RUFY2: variants seen among roughly 807,000 people sequenced by gnomAD.
RUFY2 encodes the protein RUN and FYVE domain containing 2, also known as RUN and FYVE domain-containing protein 2.
RUFY2 carries 49 observed loss-of-function variants against 94.4 expected under a neutral mutation model. That is an observed-to-expected ratio of 0.52 (90% CI 0.41 to 0.66). The LOEUF (loss-of-function observed/expected upper bound fraction) is 0.66, where lower values mean the gene tolerates loss of function less well. Among genes scored for constraint, RUFY2 ranks in the 30% least tolerant of loss-of-function variants. The probability of loss-of-function intolerance (pLI) is 0.00; values close to 1 mark genes in which losing one functional copy is unlikely to be tolerated. For missense variants in RUFY2, 541 were observed against 692.8 expected, an observed-to-expected ratio of 0.78 and a Z score of 2.46; for synonymous variants, 255 against 235.7, an observed-to-expected ratio of 1.08 and a Z score of -0.75.
downstream of RUFY2, chr10:68,342,080 T>A (rs201718155): frequency 4.5e-6 from 7 of 1,555,710 alleles, no homozygotes; most frequent in East Asian, 1.6e-4. Flanking sequence ...CATACAAGTC[T>A]TGACAACAGC....
intron 15 of RUFY2, among the ~76,000 whole-genome samples, chr10:68,357,706 C>T (rs1047052180): frequency 2.6e-5 from 4 of 152,240 alleles, no homozygotes; most frequent in African/African-American, 9.6e-5. Flanking sequence ...CCATAACCAG[C>T]TATTTTCACA....
intron 4 of RUFY2, among the ~76,000 whole-genome samples, chr10:68,394,657 T>G (rs941622229): frequency 6.6e-6 from 1 of 151,636 alleles, no homozygotes; most frequent in African/African-American, 2.4e-5. Flanking sequence ...TGAGACGAAG[T>G]CTTGCTCTTT....
chr10:68,398,523 G>T (rs747338836), intron 3 of RUFY2, among the ~76,000 whole-genome samples: 1 of 152,070 alleles, frequency 6.6e-6, no homozygotes, highest in Non-Finnish European at 1.5e-5. Context: ...ACAGTGGCAT[G>T]AGCCCGTAAT....
Position 68,344,867 on chromosome 10 carries a change from T to C in RUFY2, c.*901A>G, listed in dbSNP as rs750463173. The C allele has an allele frequency of 2.6e-5, 4 of 152,366 alleles. No homozygotes were observed. The highest frequency in any genetic ancestry group is 2.1e-4 in the South Asian group (1 of 4,830). 9.4% of individuals were successfully genotyped at this position (152,366 alleles called of 1,614,324 possible). On this transcript the variant is annotated 3_prime_UTR_variant, in exon 18 of 18. Transcript: ENST00000602465. ...CAAAATTTTTTGAACTGAACTCTAA[T>C]ACATTACCAAAGCAAAGTCCTGATT... is the stretch of plus-strand genomic sequence containing the variant.
intron 13 of RUFY2, among the ~76,000 whole-genome samples, chr10:68,374,114 C>CAA (rs34041522): frequency 0.13 from 7,518 of 58,776 alleles, 323 homozygotes; most frequent in African/African-American, 0.2. Flanking sequence ...GATCCTGTCC[C>CAA]AAAAAAAAAA....
downstream of RUFY2, chr10:68,341,542 A>T: frequency 7.5e-7 from 1 of 1,334,030 alleles, no homozygotes; most frequent in Non-Finnish European, 1.1e-6. Flanking sequence ...AATTTTATCC[A>T]TCATTCCTTT....
At chr10:68,351,348 AGCTGGTCTCAAAC>A (rs1260875068) in intron 16 of RUFY2, among the ~76,000 whole-genome samples, 1 of 151,294 alleles carries the variant, frequency 6.6e-6, no homozygotes, top group African/African-American at 2.4e-5. Context: ...ATGTTGGCCA[AGCTGGTCTCAAAC>A]TCCTGACCTT....
chr10:68,341,521 T>G, downstream of RUFY2: 6 of 1,184,170 alleles, frequency 5.1e-6, no homozygotes, highest in Non-Finnish European at 7.4e-6. Context: ...TTTACAAAGC[T>G]TGTATTGATG....
intron 4 of RUFY2, among the ~76,000 whole-genome samples, 198 bp downstream of exon 4, chr10:68,396,582 T>C (rs1564846802): frequency 6.6e-6 from 1 of 152,178 alleles, no homozygotes; most frequent in Non-Finnish European, 1.5e-5. Context: ...ACAAAGCTTA[T>C]GGTATTCATA....
rs1052161770 is a variant in RUFY2 at position 68,396,670 on chromosome 10, T to G, written c.398+110A>C. Reference sequence around the variant, plus strand: ...ATTTTGCTCCTCCTCTTATTTTATATCATTTTATTATATGTTATATATCCT... The same window carrying G: ...ATTTTGCTCCTCCTCTTATTTTATAGCATTTTATTATATGTTATATATCCT... On this transcript the variant is annotated intron_variant, in intron 4 of 17. Transcript: ENST00000602465. The G allele has an allele frequency of 1.4e-5, 9 of 627,286 alleles. No homozygotes were observed. The Admixed American group carries it at 2.4e-4, about 17-fold the overall frequency. The allele number at this position is 627,286 out of a possible 1,614,324, so 38.9% of individuals were successfully genotyped here. A position where few individuals can be genotyped will look rare whatever the true frequency, so the allele number is the denominator to read the frequency against.
At chr10:68,358,404 A>G (rs192906842) in intron 15 of RUFY2, among the ~76,000 whole-genome samples, 52 of 152,296 alleles carry the variant, frequency 3.4e-4, no homozygotes, top group African/African-American at 1.2e-3. Flanking sequence ...CCTACCTCAT[A>G]TTGACTCTTA....
chr10:68,379,473 C>T lies in RUFY2; in HGVS notation c.1156G>A (p.Glu386Lys). Residue 386 changes from glutamate to lysine, a missense_variant, in exon 12 of 18, where the codon GAA (glutamate) becomes AAA (lysine). By Grantham distance (56) the Glu-to-Lys change is moderately conservative (BLOSUM62 1). This residue lies in a region of RUFY2 where 403 missense variants were observed against 480.7 expected (regional missense o/e 0.84). Transcript: ENST00000602465. The part of the protein sequence containing the change: ...KEKNEIIARL[E>K]EKTNKITAAM... ...GCAGTAATTTTATTGGTTTTTTCTT[C>T]TAGTCGGGCAATTATTTCATTTTTT... The T allele has an allele frequency of 6.2e-7, 1 of 1,612,674 alleles. No homozygotes were observed. The highest frequency in any genetic ancestry group is 1.3e-5 in the African/African-American group (1 of 74,828).
Position 68,405,198 on chromosome 10 carries a change from A to T in RUFY2, c.5-354T>A, listed in dbSNP as rs12098401. On this transcript the variant is annotated intron_variant, in intron 1 of 17. Coordinates refer to ENST00000602465, the MANE Select transcript of RUFY2 (RefSeq NM_001330103.2). ...CATGGTGGTGCGCGGCTGTAGTCCC[A>T]GCTACTCGGGAGGCTGAAGCAGGAG... Among the ~76,000 whole-genome samples, 363 of 152,020 alleles carry T rather than the reference A, an allele frequency of 2.4e-3. 1 individual carries two copies. The highest frequency in any genetic ancestry group is 7.8e-3 in the African/African-American group (324 of 41,500).
chr10:68,372,019 G>A (rs1030075999), intron 13 of RUFY2, among the ~76,000 whole-genome samples: 1 of 152,276 alleles, frequency 6.6e-6, no homozygotes, highest in South Asian at 2.1e-4. Flanking sequence ...AGCTGAGCAT[G>A]GTGGCTCACA....
rs532002260 is a variant in RUFY2, at chr10:68,394,464, A to T, written c.399-13T>A. 40 of 1,588,298 alleles carry T rather than the reference A, an allele frequency of 2.5e-5. No individual in the cohort carries two copies. The South Asian group carries it at 3.8e-4, about 15-fold the overall frequency. On this transcript the variant is annotated splice_polypyrimidine_tract_variant and intron_variant, in intron 4 of 17. Coordinates refer to ENST00000602465, the MANE Select transcript of RUFY2 (RefSeq NM_001330103.2). ...CTCATAAAACTCACTGTGAAAATTT[A>T]AAAAATAAGGACTTTAAATCACAAA...
chr10:68,406,613 A>T, intron 1 of RUFY2: 1 of 794,328 alleles, frequency 1.3e-6, no homozygotes, highest in Non-Finnish European at 1.9e-6. Flanking sequence ...ACCCGGCCGC[A>T]GGCGCGCAAG....
At chr10:68,349,105 G>C (rs2046478714) in intron 16 of RUFY2, among the ~76,000 whole-genome samples, 1 of 152,152 alleles carries the variant, frequency 6.6e-6, no homozygotes, top group South Asian at 2.1e-4. Context: ...TCTATGGTGA[G>C]GCCTACCAGT....
rs190658770 is a variant in RUFY2 at position 68,362,475 on chromosome 10, C to G, written c.1550+1115G>C. Among the ~76,000 whole-genome samples the G allele has an allele frequency of 2.3e-3, 350 of 152,154 alleles. 1 individual carries two copies. Among genetic ancestry groups the G allele is most frequent in the Admixed American group, 6.0e-3 (91 of 15,250 alleles). The stretch of plus-strand genomic sequence containing the variant: ...TCAATCAGGCGCAAAGCTGCTACCC[C>G]AAAACACAGACTATGGGGAACAAAA... On this transcript the variant is annotated intron_variant, in intron 15 of 17. Coordinates refer to ENST00000602465, the MANE Select transcript of RUFY2 (RefSeq NM_001330103.2).
At chr10:68,400,090 C>A (rs1204107882) in intron 3 of RUFY2, among the ~76,000 whole-genome samples, 1 of 152,094 alleles carries the variant, frequency 6.6e-6, no homozygotes, top group African/African-American at 2.4e-5. Flanking sequence ...AATTCCATCA[C>A]TATTGAGGAC....
Sources: allele counts gnomAD v4.1 joint callset (sites outside exome capture counted in the v4.1 genomes callset), GRCh38; gene constraint gnomAD v4.1.1; regional missense constraint gnomAD v4.1.1; transcripts MANE v1.5; gene names NCBI Gene and HGNC (gene_info 2026-07-23, HGNC 2026-07-21).